The following RAP1GAP2 variants were observed in gnomAD, a reference collection of about 807,000 sequenced individuals.
RAP1GAP2 encodes rap1 GTPase-activating protein 2.
A neutral mutation model predicts 95.0 loss-of-function variants in RAP1GAP2; 27 were observed. The observed-to-expected ratio is 0.28, with a 90% CI of 0.21 to 0.39. The LOEUF is 0.39. Among genes scored for constraint, RAP1GAP2 ranks in the 10% least tolerant of loss-of-function variants. The pLI is 1.00. For missense variants in RAP1GAP2, 771 were observed against 970.0 expected (o/e 0.79, Z 2.72); for synonymous variants, 373 against 380.9 (o/e 0.98, Z 0.24).
At chr17:2,803,554 C>T (rs962513608) in intron 2 of RAP1GAP2, among the ~76,000 whole-genome samples, 4 of 152,206 alleles carry the variant, frequency 2.6e-5, no homozygotes, top group Non-Finnish European at 4.4e-5. Context: ...AAAAGGAGAA[C>T]AAAGTTGGTG....
chr17:2,805,621 C>A (rs1450175435), intron 2 of RAP1GAP2, among the ~76,000 whole-genome samples: 5 of 152,120 alleles, frequency 3.3e-5, no homozygotes, highest in African/African-American at 1.2e-4. Context: ...GATCCACCCA[C>A]CTCAGCCTCC....
chr17:2,874,745 TTTAGCTTGCGAG>T (rs1309018195), intron 2 of RAP1GAP2, among the ~76,000 whole-genome samples: 1 of 152,106 alleles, frequency 6.6e-6, no homozygotes, highest in Non-Finnish European at 1.5e-5. Flanking sequence ...AAACCCCACG[TTTAGCTTGCGAG>T]CTCTCTGCTC....
rs1357720198 is a variant in RAP1GAP2, at chr17:3,031,113, AG to A, written c.2184+119del. ...CCAGAGGGGGCTCCCCGAAGGAGGC[AG>A]GGGAAGCTCTGGGGACGTCTGGCTC... On this transcript the variant is annotated intron_variant, in intron 23 of 24. Coordinates refer to ENST00000254695, the MANE Select transcript of RAP1GAP2 (RefSeq NM_015085.5). 4 of 1,203,754 alleles carry A rather than the reference AG, an allele frequency of 3.3e-6. No homozygotes were observed. The East Asian group carries it at 7.7e-5, about 23-fold the overall frequency. 74.6% of individuals were successfully genotyped at this position (1,203,754 alleles called of 1,614,324 possible).
chr17:2,756,774 A>T (rs980339143), intron 1 of RAP1GAP2, among the ~76,000 whole-genome samples: 1 of 152,134 alleles, frequency 6.6e-6, no homozygotes, highest in African/African-American at 2.4e-5. Flanking sequence ...AGTAGTCAGG[A>T]TTCAGGCACA....
chr17:2,992,172 T>G (rs1029581240), intron 12 of RAP1GAP2, among the ~76,000 whole-genome samples: 1 of 150,926 alleles, frequency 6.6e-6, no homozygotes, highest in African/African-American at 2.4e-5. Flanking sequence ...TGCTTTTTTT[T>G]TTTTTTTTGA....
At chr17:2,913,514 C>T (rs1051021910) in intron 3 of RAP1GAP2, among the ~76,000 whole-genome samples, 1 of 152,152 alleles carries the variant, frequency 6.6e-6, no homozygotes, top group Non-Finnish European at 1.5e-5. Flanking sequence ...CTCTCAAACT[C>T]CTGACCTCAG....
In RAP1GAP2 at chr17:3,029,163, A is replaced by T. The variant is rs2047216676; in HGVS notation, c.2108-1759A>T. Among the ~76,000 whole-genome samples the T allele has an allele frequency of 6.6e-6, 1 of 152,184 alleles. No homozygotes were observed. The highest frequency in any genetic ancestry group is 1.5e-5 in the Non-Finnish European group (1 of 68,030). On this transcript the variant is annotated intron_variant, in intron 22 of 24. Transcript: ENST00000254695. This position sits in a 1 kb window ranked among gnomAD's most constrained non-coding sequence, Gnocchi z 4.4. The stretch of plus-strand genomic sequence containing the variant: ...CTTAAATATTGAAGGAATGAATGAA[A>T]GAATCTGTAAGCAAGCCTGGCCCCC...
At chr17:2,979,885 A>G (rs1246717220) in intron 8 of RAP1GAP2, among the ~76,000 whole-genome samples, 2 of 151,984 alleles carry the variant, frequency 1.3e-5, no homozygotes, top group African/African-American at 4.8e-5. Flanking sequence ...AGAATCCTGA[A>G]GCCAGTGTCC....
upstream of RAP1GAP2, among the ~76,000 whole-genome samples, chr17:2,773,853 G>A (rs1414481485): frequency 6.6e-6 from 1 of 151,782 alleles, no homozygotes; most frequent in Non-Finnish European, 1.5e-5. Flanking sequence ...CGCCTCCCGG[G>A]TTTAAGCAAT....
At chr17:2,961,385 C>T (rs758339275) in intron 4 of RAP1GAP2, among the ~76,000 whole-genome samples, 13 of 152,038 alleles carry the variant, frequency 8.6e-5, no homozygotes, top group African/African-American at 2.2e-4. Context: ...CGTGGTGGTA[C>T]ATGCCTGTAA....
chr17:2,811,872 C>A (rs1011800682), intron 2 of RAP1GAP2, among the ~76,000 whole-genome samples: 3 of 152,080 alleles, frequency 2.0e-5, no homozygotes, highest in African/African-American at 7.2e-5. Context: ...AGCCACTGCG[C>A]CTGGCCTGAT....
intron 2 of RAP1GAP2, among the ~76,000 whole-genome samples, chr17:2,851,061 G>GA (rs11337766): frequency 0.014 from 1,150 of 79,556 alleles, 7 homozygotes; most frequent in African/African-American, 0.037. Flanking sequence ...AACGTCTCAA[G>GA]AAAAAAAAAA....
intron 2 of RAP1GAP2, among the ~76,000 whole-genome samples, chr17:2,839,073 C>T (rs1188943377): frequency 6.6e-6 from 1 of 152,072 alleles, no homozygotes; most frequent in African/African-American, 2.4e-5. Context: ...GAGGCCAAGG[C>T]AGGTGGATCA....
At chr17:2,759,515 A>C (rs1299560074) in intron 1 of RAP1GAP2, among the ~76,000 whole-genome samples, 1 of 152,048 alleles carries the variant, frequency 6.6e-6, no homozygotes, top group Non-Finnish European at 1.5e-5. Flanking sequence ...CAATGGTACA[A>C]CCTCAGCTCA....
At chr17:2,925,524 G>T (rs1032533763) in intron 3 of RAP1GAP2, among the ~76,000 whole-genome samples, 3 of 152,116 alleles carry the variant, frequency 2.0e-5, no homozygotes, top group Non-Finnish European at 4.4e-5. Flanking sequence ...GGGGAAAACC[G>T]CTCCCTCGCT....
chr17:2,810,431 T>C (rs1261946684), intron 2 of RAP1GAP2, among the ~76,000 whole-genome samples: 4 of 151,398 alleles, frequency 2.6e-5, no homozygotes, highest in Non-Finnish European at 5.9e-5. Flanking sequence ...TACATATGTA[T>C]ACATGTGCCA....
chr17:2,850,640 C>G (rs1220069925), intron 2 of RAP1GAP2, among the ~76,000 whole-genome samples: 1 of 149,134 alleles, frequency 6.7e-6, no homozygotes, highest in East Asian at 2.0e-4. Flanking sequence ...ATCCCAGCTA[C>G]TCGGGAGGCT....
chr17:2,939,303 T>C (rs1055180949), intron 3 of RAP1GAP2, among the ~76,000 whole-genome samples: 3 of 152,210 alleles, frequency 2.0e-5, no homozygotes, highest in Admixed American at 1.3e-4. Context: ...TTGGCCAGGC[T>C]GGTCTCGAAC....
At chr17:2,934,421 C>T (rs548747406) in intron 3 of RAP1GAP2, among the ~76,000 whole-genome samples, 6 of 152,268 alleles carry the variant, frequency 3.9e-5, no homozygotes, top group South Asian at 2.1e-4. Context: ...CGTGAGCCAC[C>T]GCACCCGGCC....
Sources: allele counts gnomAD v4.1 joint callset (sites outside exome capture counted in the v4.1 genomes callset), GRCh38; gene constraint gnomAD v4.1.1; non-coding constraint Gnocchi (gnomAD v3.1); transcripts MANE v1.5; gene names NCBI Gene and HGNC (gene_info 2026-07-23, HGNC 2026-07-21).